Variants in PNPT1 observed in about 807,000 individuals in gnomAD.
The protein encoded by PNPT1 is polyribonucleotide nucleotidyltransferase 1, mitochondrial.
PNPT1 carries 53 observed loss-of-function variants against 119.5 expected under a neutral mutation model. The observed-to-expected ratio is 0.44, with a 90% confidence interval of 0.36 to 0.56. The LOEUF (loss-of-function observed/expected upper bound fraction) is 0.56. Among genes scored for constraint, PNPT1 ranks in the 20% least tolerant of loss-of-function variants. The pLI is 0.00. For synonymous variants in PNPT1, 357 were observed against 322.1 expected, an observed-to-expected ratio of 1.11 and a Z score of -1.16; for missense variants, 948 against 938.5, an observed-to-expected ratio of 1.01 and a Z score of -0.13.
Position 55,679,684 on chromosome 2 carries a change from A to G in PNPT1, c.677T>C (p.Ile226Thr), listed in dbSNP as rs1342445989. The G allele has an allele frequency of 1.3e-6, 2 of 1,594,616 alleles. No individual in the cohort carries two copies. Among genetic ancestry groups the G allele is most frequent in the Admixed American group, 1.7e-5 (1 of 59,610 alleles). ...ATGTGGTATTTAAAACAACTTACCAATCTGACTTTTAGGTGCTCCAGCAAC... is the reference window on the plus strand; with the variant it reads ...ATGTGGTATTTAAAACAACTTACCAGTCTGACTTTTAGGTGCTCCAGCAAC... ...LVVAGAPKSQ[I>T]VMLEASAENI... Residue 226 changes from isoleucine to threonine, a missense_variant and splice_region_variant, in exon 8 of 28, where the codon ATT becomes ACT. Ile to Thr is a moderately conservative substitution (Grantham distance 89). Coordinates refer to ENST00000447944, the MANE Select transcript of PNPT1 (RefSeq NM_033109.5).
chr2:55,691,848 TTATATATATATATA>T (rs869195974), intron 1 of PNPT1, among the ~76,000 whole-genome samples: 1,302 of 87,106 alleles, frequency 0.015, 29 homozygotes, highest in Non-Finnish European at 0.017. Context: ...TTAAAAATGT[TTATATATATATATA>T]TATATATATA....
intron 1 of PNPT1, among the ~76,000 whole-genome samples, chr2:55,689,388 C>A (rs950685416): frequency 4.6e-5 from 7 of 152,208 alleles, no homozygotes; most frequent in African/African-American, 1.7e-4. Context: ...ACAGTGAATA[C>A]CACTTGACAG....
intron 18 of PNPT1, among the ~76,000 whole-genome samples, chr2:55,650,162 C>A (rs945182009): frequency 2.0e-5 from 3 of 152,230 alleles, no homozygotes; most frequent in African/African-American, 7.2e-5. Context: ...CTACCTCTAC[C>A]TCTACCTCTA....
intron 18 of PNPT1, among the ~76,000 whole-genome samples, chr2:55,649,788 G>C (rs1247843666): frequency 1.3e-5 from 2 of 152,204 alleles, no homozygotes; most frequent in South Asian, 2.1e-4. Context: ...TATTCCTAGA[G>C]AGTCAGTATT....
intron 12 of PNPT1, among the ~76,000 whole-genome samples, chr2:55,667,573 G>T (rs947398068): frequency 2.8e-5 from 4 of 145,022 alleles, no homozygotes; most frequent in Non-Finnish European, 6.0e-5. Context: ...GTGACAGAGC[G>T]AGACTCTGTC....
chr2:55,648,332 C>T (rs1305174108), intron 18 of PNPT1, among the ~76,000 whole-genome samples: 2 of 152,188 alleles, frequency 1.3e-5, no homozygotes, highest in Admixed American at 1.3e-4. Flanking sequence ...AGTTTTAGTA[C>T]TCCCTGTATG....
At chr2:55,649,680 G>T (rs1241616800) in intron 18 of PNPT1, among the ~76,000 whole-genome samples, 1 of 152,138 alleles carries the variant, frequency 6.6e-6, no homozygotes, top group African/African-American at 2.4e-5. Flanking sequence ...TCATGCCACT[G>T]TTTTCCATAA....
intron 19 of PNPT1, among the ~76,000 whole-genome samples, chr2:55,646,960 C>T (rs978049268): frequency 1.3e-5 from 2 of 152,018 alleles, no homozygotes; most frequent in African/African-American, 4.8e-5. Context: ...CTCAGCCTGC[C>T]AAGTAGATGG....
At chr2:55,685,636 C>A (rs1259135588) in intron 3 of PNPT1, among the ~76,000 whole-genome samples, 1 of 151,876 alleles carries the variant, frequency 6.6e-6, no homozygotes, top group Non-Finnish European at 1.5e-5. Flanking sequence ...TTTTTGGTAT[C>A]AACTCTGTTA....
intron 12 of PNPT1, 64 bp from the exon 13 acceptor site, chr2:55,667,157 A>G: frequency 7.8e-7 from 1 of 1,274,106 alleles, no homozygotes; most frequent in East Asian, 2.4e-5. Context: ...ACATGTCTTT[A>G]TCTCTCCCAG....
intron 26 of PNPT1, 86 bp from the exon 27 acceptor site, chr2:55,637,685 T>C (rs1337852621): frequency 8.4e-7 from 1 of 1,191,568 alleles, no homozygotes; most frequent in Non-Finnish European, 1.2e-6. Flanking sequence ...CAAGCTTTAT[T>C]AGTTTTTCTG....
chr2:55,683,932 C>A, intron 4 of PNPT1, 98 bp from the exon 5 acceptor site: 1 of 1,172,228 alleles, frequency 8.5e-7, no homozygotes, highest in Non-Finnish European at 1.2e-6. Flanking sequence ...AATATGTTTT[C>A]AAGAAAAATC....
intron 25 of PNPT1, 152 bp from the exon 26 acceptor site, chr2:55,640,857 A>C (rs1401452329): frequency 1.1e-5 from 6 of 567,940 alleles, no homozygotes; most frequent in Non-Finnish European, 1.8e-5. Context: ...ATACTTTTCA[A>C]CTGAAAATAT....
intron 18 of PNPT1, among the ~76,000 whole-genome samples, chr2:55,653,395 G>T (rs1203720424): frequency 5.3e-5 from 8 of 152,196 alleles, no homozygotes; most frequent in Non-Finnish European, 1.2e-4. Context: ...TAGACCAAAA[G>T]ATCTGAATTC....
At chr2:55,659,661 T>C (rs962612250) in intron 15 of PNPT1, among the ~76,000 whole-genome samples, 1 of 152,176 alleles carries the variant, frequency 6.6e-6, no homozygotes, top group Non-Finnish European at 1.5e-5. Context: ...AGTAGTACTT[T>C]AGAGAGTGCT....
intron 25 of PNPT1, among the ~76,000 whole-genome samples, chr2:55,641,682 C>A (rs1410547093): frequency 5.9e-5 from 9 of 151,998 alleles, no homozygotes; most frequent in Non-Finnish European, 1.2e-4. Flanking sequence ...TTTTCACCTG[C>A]AATATTAAAC....
chr2:55,637,650 T>A, intron 26 of PNPT1, 51 bp from the exon 27 acceptor site: 1 of 1,382,994 alleles, frequency 7.2e-7, no homozygotes, highest in Non-Finnish European at 1.0e-6. Context: ...TTATGTAGTG[T>A]CCATGGAAGT....
chr2:55,688,322 G>A (rs1027905736), intron 1 of PNPT1, among the ~76,000 whole-genome samples: 3 of 152,106 alleles, frequency 2.0e-5, no homozygotes, highest in Admixed American at 6.5e-5. Flanking sequence ...TTACAGGTAT[G>A]AGCCACTGTG....
rs112396033 is a variant in PNPT1, at chr2:55,679,633, G to C, written c.679+49C>G. ...AGTTTAAATTCAGTTTAAGAAGCCA[G>C]AACTTGTAAGTAAAATCCAGAACAA... On this transcript the variant is annotated intron_variant, in intron 8 of 27. Coordinates refer to ENST00000447944, the MANE Select transcript of PNPT1 (RefSeq NM_033109.5). The C allele has an allele frequency of 6.6e-4, 890 of 1,342,876 alleles. 12 individuals are homozygous for C. In the African/African-American group the frequency reaches 7.9e-3, roughly 12 times the overall value. 83.2% of individuals were successfully genotyped at this position (1,342,876 alleles called of 1,614,324 possible). A position where few individuals can be genotyped will look rare whatever the true frequency, so the allele number is the denominator to read the frequency against.
Sources: gnomAD v4.1 joint callset for allele counts (sites outside exome capture counted in the v4.1 genomes callset) on GRCh38, gnomAD v4.1.1 for gene constraint, MANE v1.5 for transcripts, NCBI Gene and HGNC (gene_info 2026-07-23, HGNC 2026-07-21) for gene names.